Variants in DPP10 observed in about 807,000 individuals in gnomAD.
The protein encoded by DPP10 is dipeptidyl peptidase like 10, also known as inactive dipeptidyl peptidase 10.
A neutral mutation model predicts 120.9 loss-of-function variants in DPP10; 33 were observed. The ratio of observed to expected loss-of-function variants is 0.27; its 90% CI spans 0.21 to 0.37. The LOEUF is 0.37. DPP10 is among the 10% of genes least tolerant of loss of function. The pLI is 1.00. For synonymous variants in DPP10, 337 were observed against 326.1 expected (o/e 1.03, Z -0.36); for missense variants, 816 against 942.8 (o/e 0.87, Z 1.76).
intron 1 of DPP10, among the ~76,000 whole-genome samples, chr2:115,002,283 T>C (rs953241875): frequency 6.6e-6 from 1 of 152,154 alleles, no homozygotes; most frequent in African/African-American, 2.4e-5. Flanking sequence ...AGGGACACCA[T>C]ATTCAATAAA....
chr2:115,306,134 G>A (rs112772171), intron 1 of DPP10, among the ~76,000 whole-genome samples: 32 of 152,112 alleles, frequency 2.1e-4, no homozygotes, highest in African/African-American at 7.5e-4. Flanking sequence ...TGTGTTTGCA[G>A]TCTCCTAGCT....
chr2:115,249,524 C>A (rs1280945203), intron 1 of DPP10, among the ~76,000 whole-genome samples: 1 of 152,080 alleles, frequency 6.6e-6, no homozygotes, highest in African/African-American at 2.4e-5. Flanking sequence ...CAGTTTGAGG[C>A]AAGTCATTTC....
chr2:115,840,964 G>C, intron 25 of DPP10, 141 bp downstream of exon 25: 1 of 629,882 alleles, frequency 1.6e-6, no homozygotes, highest in South Asian at 2.6e-5. Flanking sequence ...TGTGTTCTCT[G>C]TTCCTGATTA....
intron 5 of DPP10, among the ~76,000 whole-genome samples, chr2:115,541,714 C>T (rs573560241): frequency 1.3e-5 from 2 of 151,772 alleles, no homozygotes; most frequent in Non-Finnish European, 2.9e-5. Flanking sequence ...CATTCAATAA[C>T]TATCCATGGA....
chr2:114,775,141 G>A (rs1274501756), intron 1 of DPP10, among the ~76,000 whole-genome samples: 1 of 151,942 alleles, frequency 6.6e-6, no homozygotes, highest in Non-Finnish European at 1.5e-5. Flanking sequence ...GCAATTAGAA[G>A]GTAAGAATTA....
intron 7 of DPP10, among the ~76,000 whole-genome samples, chr2:115,706,951 C>T (rs998343551): frequency 6.6e-6 from 1 of 151,978 alleles, no homozygotes; most frequent in Non-Finnish European, 1.5e-5. Context: ...TCCGCTTGCT[C>T]TCCTCCTTAA....
At chr2:114,464,247 A>G (rs1679167457) in intron 1 of DPP10, among the ~76,000 whole-genome samples, 1 of 152,200 alleles carries the variant, frequency 6.6e-6, no homozygotes, top group Non-Finnish European at 1.5e-5. Flanking sequence ...CTTCACCAGC[A>G]GTATGGATAT....
rs551863662 is a variant in DPP10, at chr2:115,128,093, A to C, written c.61-181146A>C. 6.0e-4 allele frequency among the ~76,000 whole-genome samples: 92 copies of C among 152,334 alleles called. 1 individual carries two copies. Among genetic ancestry groups the C allele is most frequent in the Middle Eastern group, 3.4e-3 (1 of 294 alleles). ...GTTCCCCTCTGGATGCAATTAATGC[A>C]TACTTCAATCTTCATAGAACCTAAT... On this transcript the variant is annotated intron_variant, in intron 1 of 25. Coordinates refer to ENST00000410059, the MANE Select transcript of DPP10 (RefSeq NM_020868.6).
chr2:114,739,139 C>G (rs533775732), intron 1 of DPP10, among the ~76,000 whole-genome samples: 4 of 152,228 alleles, frequency 2.6e-5, no homozygotes, highest in South Asian at 2.1e-4. Flanking sequence ...TGTCATTCTA[C>G]AAAATGTTTT....
At chr2:114,625,870 C>A (rs1428411225) in intron 1 of DPP10, among the ~76,000 whole-genome samples, 1 of 151,832 alleles carries the variant, frequency 6.6e-6, no homozygotes, top group Non-Finnish European at 1.5e-5. Context: ...CTCCAAGAAG[C>A]CCTGGGTTTC....
rs890799141 is a variant in DPP10 at position 115,815,534 on chromosome 2, C to T, written c.1896-141C>T. 9 of 670,966 alleles carry T rather than the reference C, an allele frequency of 1.3e-5. No homozygotes were observed. In the African/African-American group the frequency reaches 1.6e-4, roughly 12 times the overall value. 41.6% of individuals were successfully genotyped at this position (670,966 alleles called of 1,614,324 possible). On this transcript the variant is annotated intron_variant, in intron 20 of 25. Transcript: ENST00000410059. ...AGTAGCAAGATTTTGGAGTATATGACCCTAATACATGAACAGAGCTACAGT... is the reference window on the plus strand; with the variant it reads ...AGTAGCAAGATTTTGGAGTATATGATCCTAATACATGAACAGAGCTACAGT...
chr2:115,017,918 G>A (rs1396602312), intron 1 of DPP10, among the ~76,000 whole-genome samples: 3 of 151,676 alleles, frequency 2.0e-5, no homozygotes, highest in Admixed American at 6.6e-5. Flanking sequence ...CGAGTTAATA[G>A]GTGCAGCACA....
chr2:114,547,348 T>C (rs2104845061), intron 1 of DPP10, among the ~76,000 whole-genome samples: 1 of 152,270 alleles, frequency 6.6e-6, no homozygotes. Context: ...GATGCAGGCA[T>C]GGGAGGCATC....
chr2:114,634,892 T>C (rs1330400159), intron 1 of DPP10, among the ~76,000 whole-genome samples: 2 of 151,940 alleles, frequency 1.3e-5, no homozygotes, highest in Non-Finnish European at 2.9e-5. Flanking sequence ...ATTAAAATTT[T>C]CTAAGAGTTG....
At chr2:115,162,996 C>T (rs1333000987) in intron 1 of DPP10, among the ~76,000 whole-genome samples, 1 of 152,058 alleles carries the variant, frequency 6.6e-6, no homozygotes, top group Non-Finnish European at 1.5e-5. Context: ...GAACTCCGGG[C>T]AGAGAGAGCT....
chr2:115,664,470 A>AT (rs1315705533), intron 5 of DPP10, among the ~76,000 whole-genome samples: 4 of 152,122 alleles, frequency 2.6e-5, no homozygotes, highest in Non-Finnish European at 5.9e-5. Flanking sequence ...ATAATTAACA[A>AT]TAATGCTTAA....
chr2:115,523,852 T>A (rs1362546133), intron 4 of DPP10, among the ~76,000 whole-genome samples: 3 of 152,124 alleles, frequency 2.0e-5, no homozygotes, highest in Non-Finnish European at 4.4e-5. Context: ...GACTGATCAG[T>A]GGTAGCTGCT....
intron 1 of DPP10, among the ~76,000 whole-genome samples, chr2:114,696,767 A>G (rs928804378): frequency 2.6e-5 from 4 of 151,980 alleles, no homozygotes; most frequent in African/African-American, 9.7e-5. Flanking sequence ...GGAGAGGTGA[A>G]TGAAAAAGTC....
intron 1 of DPP10, among the ~76,000 whole-genome samples, chr2:114,959,363 G>A (rs11681026): frequency 0.26 from 38,921 of 151,896 alleles, 5,037 homozygotes; most frequent in East Asian, 0.34. Context: ...CTTTCAGTTA[G>A]CATATATTTC....
Sources: gnomAD v4.1 joint callset for allele counts (sites outside exome capture counted in the v4.1 genomes callset) on GRCh38, gnomAD v4.1.1 for gene constraint, MANE v1.5 for transcripts, NCBI Gene and HGNC (gene_info 2026-07-23, HGNC 2026-07-21) for gene names.